CDH18: variants seen among roughly 807,000 people sequenced by gnomAD.
CDH18 encodes cadherin-18.
CDH18 carries 31 observed loss-of-function variants against 67.9 expected under a neutral mutation model. The observed-to-expected ratio is 0.46, with a 90% confidence interval of 0.34 to 0.62. The LOEUF is 0.62. CDH18 is among the 20% of genes least tolerant of loss of function. The pLI, the probability that CDH18 is intolerant of heterozygous loss-of-function variation, is 0.01. For missense variants in CDH18, 890 were observed against 975.5 expected (o/e 0.91, Z 1.17); for synonymous variants, 362 against 347.2 (o/e 1.04, Z -0.48).
intron 1 of CDH18, among the ~76,000 whole-genome samples, chr5:20,472,008 G>A (rs957312997): frequency 0.029 from 20 of 694 alleles, no homozygotes; most frequent in Admixed American, 0.14. Context: ...TGAAGTTTAG[G>A]TATCAGATGT....
At chr5:20,293,044 C>T (rs1437705273) in intron 1 of CDH18, among the ~76,000 whole-genome samples, 2 of 152,022 alleles carry the variant, frequency 1.3e-5, no homozygotes, top group Non-Finnish European at 2.9e-5. Flanking sequence ...AGGCCAGGTG[C>T]GGTGGCTCAC....
At chr5:19,804,604 CT>C (rs1333278096) in intron 3 of CDH18, among the ~76,000 whole-genome samples, 2 of 152,158 alleles carry the variant, frequency 1.3e-5, no homozygotes, top group Admixed American at 6.5e-5. Context: ...CATTATTAAG[CT>C]TGTTTCAGAT....
At chr5:20,121,749 C>T (rs1748370472) in intron 2 of CDH18, among the ~76,000 whole-genome samples, 1 of 152,120 alleles carries the variant, frequency 6.6e-6, no homozygotes, top group African/African-American at 2.4e-5. Flanking sequence ...GATGATCATA[C>T]AGAAAACAGA....
chr5:19,877,647 C>G (rs1787178035), intron 2 of CDH18, among the ~76,000 whole-genome samples: 1 of 152,008 alleles, frequency 6.6e-6, no homozygotes, highest in South Asian at 2.1e-4. Flanking sequence ...TGGTCCTTTC[C>G]TCTTGGAACA....
intron 2 of CDH18, among the ~76,000 whole-genome samples, chr5:19,899,953 C>T (rs1440231821): frequency 2.0e-5 from 3 of 152,046 alleles, no homozygotes; most frequent in Admixed American, 6.6e-5. Context: ...CAGGGAGTTA[C>T]TCTTCAATAA....
At chr5:20,331,149 C>A (rs1739133181) in intron 1 of CDH18, among the ~76,000 whole-genome samples, 1 of 152,176 alleles carries the variant, frequency 6.6e-6, no homozygotes. Flanking sequence ...AATGATAGAT[C>A]TATGTTTTCT....
At chr5:19,931,506 A>C (rs893167147) in intron 2 of CDH18, among the ~76,000 whole-genome samples, 2 of 151,836 alleles carry the variant, frequency 1.3e-5, no homozygotes, top group African/African-American at 4.8e-5. Flanking sequence ...CCTAATAAAA[A>C]TTTTTCTGCT....
chr5:19,692,759 G>A (rs1460404672), intron 5 of CDH18, among the ~76,000 whole-genome samples: 1 of 151,558 alleles, frequency 6.6e-6, no homozygotes, highest in African/African-American at 2.4e-5. Flanking sequence ...CAGAGAATAG[G>A]GAACTCTTAT....
intron 7 of CDH18, among the ~76,000 whole-genome samples, chr5:19,580,263 A>C (rs1054104092): frequency 4.6e-5 from 7 of 151,850 alleles, no homozygotes; most frequent in African/African-American, 1.7e-4. Context: ...ATAATTTCCC[A>C]TGCAAATATT....
At chr5:20,172,219 T>C (rs1196843280) in intron 2 of CDH18, among the ~76,000 whole-genome samples, 2 of 84,552 alleles carry the variant, frequency 2.4e-5, no homozygotes, top group South Asian at 4.0e-4. Context: ...TATATATATA[T>C]ATATGTATAT....
At chr5:20,547,878 C>A (rs1757427709) in intron 1 of CDH18, among the ~76,000 whole-genome samples, 1 of 151,760 alleles carries the variant, frequency 6.6e-6, no homozygotes, top group South Asian at 2.1e-4. Context: ...TTTATTAGTA[C>A]CTATATTCAA....
chr5:20,147,946 T>C (rs1036316486), intron 2 of CDH18, among the ~76,000 whole-genome samples: 2 of 152,170 alleles, frequency 1.3e-5, no homozygotes, highest in Non-Finnish European at 2.9e-5. Context: ...AGAGTTAGAA[T>C]AGTTCAGACT....
At chr5:20,090,813 T>C (rs1250016770) in intron 2 of CDH18, among the ~76,000 whole-genome samples, 2 of 151,978 alleles carry the variant, frequency 1.3e-5, no homozygotes, top group Admixed American at 6.6e-5. Flanking sequence ...CCAGATCACT[T>C]GAGCCCAGGT....
At chr5:19,576,255 C>G (rs1196289497) in intron 7 of CDH18, among the ~76,000 whole-genome samples, 1 of 151,928 alleles carries the variant, frequency 6.6e-6, no homozygotes, top group Non-Finnish European at 1.5e-5. Flanking sequence ...TGGGAATGAT[C>G]AAACTAAAGA....
chr5:19,757,936 C>T (rs1274077902), intron 3 of CDH18, among the ~76,000 whole-genome samples: 1 of 152,150 alleles, frequency 6.6e-6, no homozygotes, highest in African/African-American at 2.4e-5. Context: ...CAGCTGTCCA[C>T]TTTTGGGTGG....
At chr5:20,463,036 G>A (rs541245220) in intron 1 of CDH18, among the ~76,000 whole-genome samples, 54 of 152,150 alleles carry the variant, frequency 3.5e-4, no homozygotes, top group African/African-American at 1.2e-3. Flanking sequence ...CACTTTGTTC[G>A]AACATGGCTA....
chr5:19,754,053 A>G (rs932244738), intron 3 of CDH18, among the ~76,000 whole-genome samples: 39 of 152,182 alleles, frequency 2.6e-4, no homozygotes, highest in African/African-American at 7.5e-4. Flanking sequence ...CAGGACCTAT[A>G]AAACAAAATA....
chr5:20,172,756 C>G (rs1199420740), intron 2 of CDH18, among the ~76,000 whole-genome samples: 2 of 151,832 alleles, frequency 1.3e-5, no homozygotes, highest in Non-Finnish European at 2.9e-5. Context: ...TTTGGGAGGC[C>G]AAGGCAGGCG....
intron 2 of CDH18, among the ~76,000 whole-genome samples, chr5:19,874,519 T>G (rs538525219): frequency 1.9e-4 from 29 of 152,336 alleles, no homozygotes; most frequent in African/African-American, 6.5e-4. Flanking sequence ...AATCTCCTTC[T>G]CGATCCTATA....
Sources: allele counts gnomAD v4.1 joint callset (sites outside exome capture counted in the v4.1 genomes callset), GRCh38; gene constraint gnomAD v4.1.1; transcripts MANE v1.5; gene names NCBI Gene and HGNC (gene_info 2026-07-23, HGNC 2026-07-21).